ZNF430: variants seen among roughly 807,000 people sequenced by gnomAD.
ZNF430 encodes zinc finger protein 430.
Under a neutral mutation model 56.7 loss-of-function variants are expected in ZNF430, and 35 were observed. The ratio of observed to expected loss-of-function variants is 0.62; its 90% CI spans 0.47 to 0.82. ZNF430 has a LOEUF of 0.82. ZNF430 is among the 40% of genes least tolerant of loss of function. The probability of loss-of-function intolerance (pLI) is 0.00; values close to 1 mark genes in which losing one functional copy is unlikely to be tolerated. For missense variants in ZNF430, 574 were observed against 661.0 expected, an observed-to-expected ratio of 0.87 and a Z score of 1.44; for synonymous variants, 212 against 224.3, an observed-to-expected ratio of 0.94 and a Z score of 0.49.
intron 4 of ZNF430, 42 bp downstream of exon 4, chr19:21,034,226 C>A: frequency 7.6e-7 from 1 of 1,321,968 alleles, no homozygotes; most frequent in Non-Finnish European, 1.0e-6. Context: ...AATGAGAGGT[C>A]CAAAAAAGAA....
At chr19:21,041,898 G>T (rs1237806362) in intron 4 of ZNF430, among the ~76,000 whole-genome samples, 2 of 152,152 alleles carry the variant, frequency 1.3e-5, no homozygotes, top group Non-Finnish European at 2.9e-5. Flanking sequence ...ATTTTTAGTA[G>T]AGATGGGGTT....
chr19:21,031,080 C>T (rs1346387524), intron 2 of ZNF430, among the ~76,000 whole-genome samples: 3 of 152,088 alleles, frequency 2.0e-5, no homozygotes, highest in Admixed American at 1.3e-4. Context: ...GATGAGGTTA[C>T]ACCATGTTGG....
At chr19:21,024,696 C>G (rs1052019085) in intron 2 of ZNF430, among the ~76,000 whole-genome samples, 2 of 151,594 alleles carry the variant, frequency 1.3e-5, no homozygotes, top group African/African-American at 4.9e-5. Flanking sequence ...AGGAGAATGG[C>G]GTAAACCCAG....
intron 1 of ZNF430, among the ~76,000 whole-genome samples, chr19:21,021,958 C>G (rs976949173): frequency 6.6e-6 from 1 of 150,720 alleles, no homozygotes; most frequent in African/African-American, 2.5e-5. Flanking sequence ...CTGCCTCAGC[C>G]TTTTGAGTAG....
chr19:21,048,221 GT>G (rs1189211803), intron 4 of ZNF430, among the ~76,000 whole-genome samples: 1 of 90,110 alleles, frequency 1.1e-5, no homozygotes, highest in Non-Finnish European at 2.0e-5. Flanking sequence ...ATTCCTGGGT[GT>G]TTCTCGCAGA....
At chr19:21,052,864 G>A (rs997486049) in intron 4 of ZNF430, among the ~76,000 whole-genome samples, 9 of 151,990 alleles carry the variant, frequency 5.9e-5, no homozygotes, top group Admixed American at 2.0e-4. Flanking sequence ...TTTTAATGAC[G>A]GTCTTGCAAG....
At position 21,041,507 on chromosome 19, in the gene ZNF430, ATAT is replaced by A. The variant is rs1968101913; in HGVS notation, c.322+7328_322+7330del. Reference sequence around the variant, plus strand: ...GTTTCATTGTTATTGTTTTGTTTAAATATTATTTTTTGTGTGTTCTGGGATACA... The same window carrying A: ...GTTTCATTGTTATTGTTTTGTTTAAATATTTTTTGTGTGTTCTGGGATACA... On this transcript the variant is annotated intron_variant, in intron 4 of 4. Transcript: ENST00000261560. Among the ~76,000 whole-genome samples the A allele has an allele frequency of 3.3e-5, 5 of 152,268 alleles. No homozygotes were observed. The South Asian group carries it at 1.0e-3, about 32-fold the overall frequency.
Position 21,058,100 on chromosome 19 carries a change from G to C in ZNF430, c.*79G>C, listed in dbSNP as rs779831919. ...TTCATACTGAAGAGGAACCCTATGAGTGTGAAGAATATGGCAAAGCCTTCA... is the reference window on the plus strand; with the variant it reads ...TTCATACTGAAGAGGAACCCTATGACTGTGAAGAATATGGCAAAGCCTTCA... On this transcript the variant is annotated 3_prime_UTR_variant, in exon 5 of 5. Transcript: ENST00000261560. 1 of 1,321,626 alleles carries C rather than the reference G, an allele frequency of 7.6e-7. No individual in the cohort carries two copies. Among genetic ancestry groups the C allele is most frequent in the Non-Finnish European group, 1.0e-6 (1 of 965,282 alleles). The allele number at this position is 1,321,626 out of a possible 1,614,324, so 81.9% of individuals were successfully genotyped here. A position where few individuals can be genotyped will look rare whatever the true frequency, so the allele number is the denominator to read the frequency against.
At chr19:21,027,205 G>A (rs1967819236) in intron 2 of ZNF430, among the ~76,000 whole-genome samples, 1 of 152,076 alleles carries the variant, frequency 6.6e-6, no homozygotes, top group African/African-American at 2.4e-5. Context: ...ATGTTTGAGA[G>A]AAGGCATCCT....
At chr19:21,034,541 T>TC (rs200210134) in intron 4 of ZNF430, 1,594 of 121,424 alleles carry the variant, frequency 0.013, 15 homozygotes, top group African/African-American at 0.032. Flanking sequence ...TTTTCTTTCT[T>TC]TTTTTTTTTT....
intron 4 of ZNF430, among the ~76,000 whole-genome samples, chr19:21,044,401 T>C (rs906166059): frequency 6.6e-6 from 1 of 152,236 alleles, no homozygotes; most frequent in African/African-American, 2.4e-5. Context: ...TTTGTTTATG[T>C]TGAAATAGCC....
At chr19:21,023,671 A>G (rs1196019831) in intron 2 of ZNF430, among the ~76,000 whole-genome samples, 2 of 152,220 alleles carry the variant, frequency 1.3e-5, no homozygotes, top group African/African-American at 4.8e-5. Flanking sequence ...CATTTCTACA[A>G]GAAAATGTGG....
chr19:21,046,335 AAG>A (rs1336252492), intron 4 of ZNF430, among the ~76,000 whole-genome samples: 1 of 151,394 alleles, frequency 6.6e-6, no homozygotes, highest in Non-Finnish European at 1.5e-5. Context: ...AAAAAAAAAA[AAG>A]TTTAAGGTTA....
intron 2 of ZNF430, among the ~76,000 whole-genome samples, chr19:21,027,038 C>T (rs887109984): frequency 6.6e-6 from 1 of 151,822 alleles, no homozygotes; most frequent in African/African-American, 2.4e-5. Flanking sequence ...CCATGTTGGC[C>T]AGGATGGTCT....
chr19:21,058,164 G>C lies in ZNF430; in HGVS notation c.*143G>C. The stretch of plus-strand genomic sequence containing the variant: ...TCTTACCAGACATAAGATAATTCTG[G>C]CTGGGTGCGGTGGCTCACACCTGTA... On this transcript the variant is annotated 3_prime_UTR_variant, in exon 5 of 5. Coordinates refer to ENST00000261560, the MANE Select transcript of ZNF430 (RefSeq NM_025189.4). 1.2e-6 allele frequency: 1 copy of C among 826,216 alleles called. No homozygotes were observed. The allele number at this position is 826,216 out of a possible 1,614,324, so 51.2% of individuals were successfully genotyped here. A position where few individuals can be genotyped will look rare whatever the true frequency, so the allele number is the denominator to read the frequency against.
In ZNF430 at chr19:21,034,201, A is replaced by G. The variant is rs1208216559; in HGVS notation, c.322+17A>G. Reference sequence around the variant, plus strand: ...AACCCCCAGGTAGGTGAGAGTGAACACAACAGACGACATGAATGAGAGGTC... The same window carrying G: ...AACCCCCAGGTAGGTGAGAGTGAACGCAACAGACGACATGAATGAGAGGTC... On this transcript the variant is annotated intron_variant, in intron 4 of 4. Transcript: ENST00000261560. 1.3e-6 allele frequency: 2 copies of G among 1,489,548 alleles called. No individual in the cohort carries two copies. Among genetic ancestry groups the G allele is most frequent in the Admixed American group, 2.0e-5 (1 of 50,892 alleles). 92.3% of individuals were successfully genotyped at this position (1,489,548 alleles called of 1,614,324 possible).
chr19:21,020,827 C>T (rs1974283794), intron 1 of ZNF430, 24 bp downstream of exon 1: 1 of 1,613,802 alleles, frequency 6.2e-7, no homozygotes, highest in East Asian at 2.2e-5. Flanking sequence ...GTCCGACATC[C>T]CCAGAGAGGG....
intron 4 of ZNF430, among the ~76,000 whole-genome samples, chr19:21,038,250 G>C (rs948443004): frequency 2.6e-5 from 4 of 151,706 alleles, no homozygotes; most frequent in Non-Finnish European, 4.4e-5. Context: ...TATTTTATCA[G>C]TATTGATATT....
rs1568595134 is a variant in ZNF430 at position 21,058,559 on chromosome 19, G to A, written c.*538G>A. The A allele has an allele frequency of 6.2e-6, 1 of 161,350 alleles. No individual in the cohort carries two copies. The highest frequency in any genetic ancestry group is 2.4e-5 in the African/African-American group (1 of 41,416). The allele number at this position is 161,350 out of a possible 1,614,324, so 10.0% of individuals were successfully genotyped here. On this transcript the variant is annotated 3_prime_UTR_variant, in exon 5 of 5. Coordinates refer to ENST00000261560, the MANE Select transcript of ZNF430 (RefSeq NM_025189.4). ...TAAACATAAAAAATCATACTGGTGA[G>A]AAATCCTAGAAATGTAAAGAATGTG...
Sources: allele counts gnomAD v4.1 joint callset (sites outside exome capture counted in the v4.1 genomes callset), GRCh38; gene constraint gnomAD v4.1.1; transcripts MANE v1.5; gene names NCBI Gene and HGNC (gene_info 2026-07-23, HGNC 2026-07-21).